The following APOBEC1 variants were observed in gnomAD, a reference collection of about 807,000 sequenced individuals.
The protein encoded by APOBEC1 is apolipoprotein B mRNA editing enzyme catalytic subunit 1.
In APOBEC1, 22 loss-of-function variants were observed where a neutral mutation model predicts 26.3. The observed-to-expected ratio is 0.84, with a 90% CI of 0.60 to 1.19. The LOEUF is 1.19. Ranked by LOEUF, APOBEC1 falls within the 50% of genes most tolerant of loss-of-function variation. The probability of loss-of-function intolerance (pLI) is 0.00; values close to 1 mark genes in which losing one functional copy is unlikely to be tolerated. For missense variants in APOBEC1, 253 were observed against 289.0 expected (o/e 0.88, Z 0.90); for synonymous variants, 77 against 95.3 (o/e 0.81, Z 1.12).
intron 2 of APOBEC1, among the ~76,000 whole-genome samples, chr12:7,653,549 C>A (rs1280386900): frequency 5.5e-5 from 8 of 146,700 alleles, no homozygotes; most frequent in Non-Finnish European, 1.0e-4. Context: ...CTGATCTCCC[C>A]TTCCTGGACT....
rs189887889 is a variant in APOBEC1, at chr12:7,660,506, G to A, written c.16+5351C>T. On this transcript the variant is annotated intron_variant, in intron 1 of 4. Transcript: ENST00000229304. ...TGGATCACCTGAGGGTCAGGAGTTC[G>A]AGACCAGCCTAACATGGTGAAACCC... Among the ~76,000 whole-genome samples the A allele has an allele frequency of 1.7e-4, 26 of 150,830 alleles. No homozygotes were observed. In the South Asian group the frequency reaches 3.2e-3, roughly 18 times the overall value.
intron 1 of APOBEC1, 113 bp downstream of exon 1, chr12:7,665,744 A>G (rs1863882742): frequency 1.8e-6 from 2 of 1,093,570 alleles, no homozygotes; most frequent in Non-Finnish European, 2.7e-6. Flanking sequence ...AGATGCAAGA[A>G]TCAGCAGGAC....
upstream of APOBEC1, among the ~76,000 whole-genome samples, chr12:7,668,952 G>A (rs1306574466): frequency 3.3e-5 from 5 of 150,656 alleles, no homozygotes; most frequent in South Asian, 8.4e-4. Flanking sequence ...GGCTGGTCTC[G>A]AACTCCTGAC....
At position 7,665,843 on chromosome 12, in the gene APOBEC1, C is replaced by G. The variant is rs371402293; in HGVS notation, c.16+14G>C. On this transcript the variant is annotated intron_variant, in intron 1 of 4. Transcript: ENST00000229304. ...TGTTCAAGAATACTTGCCAAGCCCC[C>G]GGATCCATTTTACCTTTCTCAGAAG... 1 of 1,611,208 alleles carries G rather than the reference C, an allele frequency of 6.2e-7. No individual in the cohort carries two copies. The highest frequency in any genetic ancestry group is 8.5e-7 in the Non-Finnish European group (1 of 1,178,916).
At chr12:7,663,015 C>T (rs9651862) in intron 1 of APOBEC1, among the ~76,000 whole-genome samples, 20,979 of 152,050 alleles carry the variant, frequency 0.14, 1,449 homozygotes, top group South Asian at 0.22. Context: ...TCTCAGGACT[C>T]AGAGGCTTGG....
At chr12:7,664,893 C>T (rs371146835) in intron 1 of APOBEC1, among the ~76,000 whole-genome samples, 1 of 133,328 alleles carries the variant, frequency 7.5e-6, no homozygotes, top group African/African-American at 2.9e-5. Context: ...GGCAACAGGG[C>T]GAGTCTTAAA....
chr12:7,653,984 C>T (rs1749401585), intron 2 of APOBEC1, among the ~76,000 whole-genome samples: 1 of 152,178 alleles, frequency 6.6e-6, no homozygotes, highest in South Asian at 2.1e-4. Flanking sequence ...TCCCACTCAT[C>T]CCTAAAGTAT....
upstream of APOBEC1, among the ~76,000 whole-genome samples, chr12:7,667,273 C>T (rs1251523734): frequency 6.6e-6 from 1 of 152,126 alleles, no homozygotes; most frequent in African/African-American, 2.4e-5. Context: ...CCATTGCTCT[C>T]TGTTGCCTGA....
At chr12:7,665,938 T>C (rs979598403), upstream of APOBEC1, 10 of 1,589,062 alleles carry the variant, frequency 6.3e-6, no homozygotes, top group Admixed American at 1.7e-5. Context: ...TGGACTTTGT[T>C]GCTTCAGGTG....
At chr12:7,667,561 T>C (rs1437688440), upstream of APOBEC1, among the ~76,000 whole-genome samples, 1 of 152,134 alleles carries the variant, frequency 6.6e-6, no homozygotes, top group Non-Finnish European at 1.5e-5. Context: ...ACATCATCAA[T>C]AAAGGCCCTT....
rs143925738 is a variant in APOBEC1 at position 7,654,571 on chromosome 12, A to G, written c.44+34T>C. On this transcript the variant is annotated intron_variant, in intron 2 of 4. Coordinates refer to ENST00000229304, the MANE Select transcript of APOBEC1 (RefSeq NM_001644.5). ...TTAAATACCCATTGATTCTTGATCA[A>G]ATTAAATGGGCACTGTGATAGTGTT... 381 of 1,610,000 alleles carry G rather than the reference A, an allele frequency of 2.4e-4. 3 individuals carry two copies. The East Asian group carries it at 7.8e-3, about 33-fold the overall frequency.
chr12:7,669,546 T>C (rs1344688352), upstream of APOBEC1, among the ~76,000 whole-genome samples: 1 of 152,118 alleles, frequency 6.6e-6, no homozygotes. Context: ...AATAGGTAAA[T>C]GCACATTTAA....
intron 1 of APOBEC1, among the ~76,000 whole-genome samples, chr12:7,655,858 C>A (rs770502546): frequency 2.0e-5 from 3 of 152,246 alleles, no homozygotes; most frequent in South Asian, 4.1e-4. Flanking sequence ...TGTTAGCACA[C>A]ACCTGTGGCT....
intron 1 of APOBEC1, among the ~76,000 whole-genome samples, chr12:7,665,590 G>A (rs1271198359): frequency 6.6e-6 from 1 of 152,012 alleles, no homozygotes; most frequent in East Asian, 1.9e-4. Flanking sequence ...GAGCCACAGC[G>A]CCTGGCTACT....
At chr12:7,655,036 C>T (rs778792967) in intron 1 of APOBEC1, among the ~76,000 whole-genome samples, 4 of 151,958 alleles carry the variant, frequency 2.6e-5, no homozygotes, top group Admixed American at 6.6e-5. Context: ...TGGTGAAACC[C>T]TGTCTCTACC....
intron 1 of APOBEC1, among the ~76,000 whole-genome samples, chr12:7,657,384 T>C (rs1434151557): frequency 1.3e-5 from 2 of 152,134 alleles, no homozygotes; most frequent in Admixed American, 6.6e-5. Flanking sequence ...GAGAGGTGGA[T>C]TGCACACTTT....
At chr12:7,669,040 C>CA (rs1223018359), upstream of APOBEC1, among the ~76,000 whole-genome samples, 1 of 151,938 alleles carries the variant, frequency 6.6e-6, no homozygotes, top group Non-Finnish European at 1.5e-5. Context: ...CCAGCACCCC[C>CA]CAATTCTGTG....
rs1039034692 is a variant in APOBEC1, at chr12:7,652,351, T to G, written c.442+87A>C. ...ACTTTTACTTCTGAGACTTCCAGCC[T>G]GGGCTAACCAATCTTCTGGCCTAAA... On this transcript the variant is annotated intron_variant, in intron 3 of 4. Coordinates refer to ENST00000229304, the MANE Select transcript of APOBEC1 (RefSeq NM_001644.5). 5 of 1,263,946 alleles carry G rather than the reference T, an allele frequency of 4.0e-6. No homozygotes were observed. The African/African-American group carries it at 4.5e-5, about 11-fold the overall frequency. The allele number at this position is 1,263,946 out of a possible 1,614,324, so 78.3% of individuals were successfully genotyped here. A position where few individuals can be genotyped will look rare whatever the true frequency, so the allele number is the denominator to read the frequency against.
At chr12:7,667,652 C>T (rs1265657365), upstream of APOBEC1, among the ~76,000 whole-genome samples, 1 of 152,062 alleles carries the variant, frequency 6.6e-6, no homozygotes, top group Non-Finnish European at 1.5e-5. Flanking sequence ...CAGTGGCTCG[C>T]GCCTGTAATC....
Sources: allele counts gnomAD v4.1 joint callset (sites outside exome capture counted in the v4.1 genomes callset), GRCh38; gene constraint gnomAD v4.1.1; transcripts MANE v1.5; gene names NCBI Gene and HGNC (gene_info 2026-07-23, HGNC 2026-07-21).